Variants in RELCH observed in about 807,000 individuals in gnomAD.
RELCH encodes RAB11 binding and LisH domain, coiled-coil and HEAT repeat containing, also known as RAB11-binding protein RELCH.
A neutral mutation model predicts 150.3 loss-of-function variants in RELCH; 41 were observed. That is an observed-to-expected ratio of 0.27 (90% CI 0.21 to 0.35). RELCH has a LOEUF of 0.35. Among genes scored for constraint, RELCH ranks in the 10% least tolerant of loss-of-function variants. RELCH has a pLI of 1.00. For synonymous variants in RELCH, 478 were observed against 531.8 expected (o/e 0.90, Z 1.39); for missense variants, 1,092 against 1,467.8 (o/e 0.74, Z 4.18).
chr18:62,266,784 G>A (rs761895963), intron 19 of RELCH, 35 bp downstream of exon 19: 55 of 1,297,254 alleles, frequency 4.2e-5, no homozygotes, highest in Non-Finnish European at 5.5e-5. Flanking sequence ...AAAAACAATT[G>A]CATTTCTTTA....
chr18:62,200,573 T>G (rs995032568), intron 1 of RELCH, among the ~76,000 whole-genome samples: 3 of 152,026 alleles, frequency 2.0e-5, no homozygotes, highest in Non-Finnish European at 2.9e-5. Flanking sequence ...TTTTTTTTTT[T>G]TTTTTAATGG....
At chr18:62,221,584 T>A (rs1568335644) in intron 5 of RELCH, 87 bp downstream of exon 5, 1 of 560,068 alleles carries the variant, frequency 1.8e-6, no homozygotes, top group Non-Finnish European at 3.0e-6. Context: ...TTTTTTTTTT[T>A]AAGTTATATA....
At position 62,248,381 on chromosome 18, in the gene RELCH, T is replaced by C. The variant is rs554695639; in HGVS notation, c.1733+3505T>C. On this transcript the variant is annotated intron_variant, in intron 11 of 28. Transcript: ENST00000644646. Reference sequence around the variant, plus strand: ...CTCAACAGTTAAATCCCAGTTTCTCTTTAATTATGAAAGTCTTTGAAGTTT... The same window carrying C: ...CTCAACAGTTAAATCCCAGTTTCTCCTTAATTATGAAAGTCTTTGAAGTTT... 2.6e-5 allele frequency among the ~76,000 whole-genome samples: 4 copies of C among 152,318 alleles called. No homozygotes were observed. In the South Asian group the frequency reaches 8.3e-4, roughly 32 times the overall value.
intron 10 of RELCH, among the ~76,000 whole-genome samples, chr18:62,235,707 A>G (rs2041843943): frequency 1.3e-5 from 2 of 151,942 alleles, no homozygotes; most frequent in African/African-American, 4.8e-5. Flanking sequence ...CTTGGATGGT[A>G]TTGTAAATGG....
intron 20 of RELCH, among the ~76,000 whole-genome samples, chr18:62,271,586 G>C (rs1178987960): frequency 1.1e-4 from 16 of 152,122 alleles, no homozygotes; most frequent in Non-Finnish European, 2.1e-4. Context: ...AAGCTTTTTA[G>C]TTTAATTAGA....
intron 1 of RELCH, among the ~76,000 whole-genome samples, chr18:62,189,214 C>G (rs1022035982): frequency 2.7e-4 from 41 of 149,870 alleles, no homozygotes; most frequent in African/African-American, 9.1e-4. Flanking sequence ...TAAAATGAGA[C>G]AGTAGTGTAA....
At chr18:62,193,403 G>A (rs948471887) in intron 1 of RELCH, among the ~76,000 whole-genome samples, 1 of 152,118 alleles carries the variant, frequency 6.6e-6, no homozygotes, top group Non-Finnish European at 1.5e-5. Context: ...ATACCATGTT[G>A]AATAGGAGTG....
At chr18:62,273,277 G>A (rs1405808249) in intron 20 of RELCH, among the ~76,000 whole-genome samples, 1 of 151,684 alleles carries the variant, frequency 6.6e-6, no homozygotes, top group Non-Finnish European at 1.5e-5. Context: ...TTCTGATTAT[G>A]AAAGTAATAA....
chr18:62,270,169 C>T (rs1457439403), intron 20 of RELCH, among the ~76,000 whole-genome samples: 2 of 152,184 alleles, frequency 1.3e-5, no homozygotes, highest in Non-Finnish European at 2.9e-5. Context: ...CAGAGCCAGA[C>T]TTATCACATA....
At chr18:62,300,097 C>G (rs1003523253) in intron 28 of RELCH, 2 of 152,082 alleles carry the variant, frequency 1.3e-5, no homozygotes, top group Non-Finnish European at 2.9e-5. Flanking sequence ...CCTTTTATTC[C>G]TTTTTTCTCC....
chr18:62,254,516 T>A (rs1423713822), intron 12 of RELCH, among the ~76,000 whole-genome samples: 3 of 151,996 alleles, frequency 2.0e-5, no homozygotes, highest in Non-Finnish European at 4.4e-5. Context: ...TCAAACATTC[T>A]ACTTTTGAGG....
At chr18:62,229,524 GTC>G (rs2041436304) in intron 8 of RELCH, among the ~76,000 whole-genome samples, 2 of 150,444 alleles carry the variant, frequency 1.3e-5, no homozygotes, top group African/African-American at 4.9e-5. Flanking sequence ...GTGTGTGTCT[GTC>G]TGTCTGTCTG....
intron 27 of RELCH, among the ~76,000 whole-genome samples, chr18:62,295,042 A>C (rs1280707677): frequency 1.3e-5 from 2 of 152,218 alleles, no homozygotes; most frequent in Non-Finnish European, 2.9e-5. Flanking sequence ...CCAGAAATTC[A>C]GTAGGACAAG....
chr18:62,279,841 C>T lies in RELCH; in HGVS notation c.3035C>T (p.Ser1012Phe), dbSNP rs1233441219. ...GTTGTTCCTGCTCTCATTACTCTCT[C>T]CAGTGACCCTGAAATGTAAGTGTCA... is the stretch of plus-strand genomic sequence containing the variant. ...QRVVPALITLSSDPEISVRIA... is the reference protein window; with the variant it reads ...QRVVPALITLFSDPEISVRIA... Residue 1012 changes from serine to phenylalanine, a missense_variant, in exon 23 of 29, where the codon TCC (serine) becomes TTC (phenylalanine). By Grantham distance (155) the Ser-to-Phe change is radical. Transcript: ENST00000644646. 2.0e-6 allele frequency: 3 copies of T among 1,534,446 alleles called. No homozygotes were observed. Among genetic ancestry groups the T allele is most frequent in the Non-Finnish European group, 2.6e-6 (3 of 1,145,582 alleles).
At chr18:62,299,011 T>C (rs964948066) in intron 28 of RELCH, 151 bp downstream of exon 28, 1 of 570,406 alleles carries the variant, frequency 1.8e-6, no homozygotes, top group African/African-American at 1.9e-5. Context: ...GGTTCTCAAA[T>C]CCTGGTCCAT....
chr18:62,226,091 C>A (rs1014018911), intron 5 of RELCH, among the ~76,000 whole-genome samples: 1 of 151,898 alleles, frequency 6.6e-6, no homozygotes, highest in African/African-American at 2.4e-5. Context: ...AATAAACCGT[C>A]AAAGGATTAA....
intron 1 of RELCH, among the ~76,000 whole-genome samples, chr18:62,198,338 G>T (rs749679247): frequency 7.9e-5 from 12 of 152,132 alleles, no homozygotes; most frequent in Non-Finnish European, 1.8e-4. Flanking sequence ...TTGCTGCATG[G>T]TTACTTATAA....
chr18:62,303,598 G>A (rs1476987891), intron 28 of RELCH, among the ~76,000 whole-genome samples: 1 of 152,124 alleles, frequency 6.6e-6, no homozygotes, highest in African/African-American at 2.4e-5. Flanking sequence ...CTAAAGAAAG[G>A]AAGAGCACTG....
intron 11 of RELCH, among the ~76,000 whole-genome samples, chr18:62,250,461 T>C (rs2042643725): frequency 6.6e-6 from 1 of 152,218 alleles, no homozygotes; most frequent in Non-Finnish European, 1.5e-5. Flanking sequence ...TAGGAAATGT[T>C]CATTAGGAGC....
Sources: gnomAD v4.1 joint callset for allele counts (sites outside exome capture counted in the v4.1 genomes callset) on GRCh38, gnomAD v4.1.1 for gene constraint, MANE v1.5 for transcripts, NCBI Gene and HGNC (gene_info 2026-07-23, HGNC 2026-07-21) for gene names.